Variants in NFKB1 observed in about 807,000 individuals in gnomAD.
NFKB1 encodes nuclear factor kappa B subunit 1, also known as nuclear factor NF-kappa-B p105 subunit.
A neutral mutation model predicts 105.1 loss-of-function variants in NFKB1; 9 were observed. That is an observed-to-expected ratio of 0.09 (90% confidence interval 0.05 to 0.15). The LOEUF is 0.15. Ranked by LOEUF, NFKB1 falls within the 10% of genes least tolerant of loss-of-function variation. The pLI is 1.00. For missense variants in NFKB1, 830 were observed against 1,203.7 expected (o/e 0.69, Z 4.59); for synonymous variants, 440 against 442.2 (o/e 1.00, Z 0.06).
intron 1 of NFKB1, among the ~76,000 whole-genome samples, chr4:102,517,418 C>A (rs1740262642): frequency 6.6e-6 from 1 of 152,122 alleles, no homozygotes; most frequent in South Asian, 2.1e-4. Context: ...GACATTCTGA[C>A]AAACTTGAAA....
chr4:102,513,020 T>C (rs1578705072), intron 1 of NFKB1, among the ~76,000 whole-genome samples: 1 of 152,228 alleles, frequency 6.6e-6, no homozygotes, highest in East Asian at 1.9e-4. Flanking sequence ...TACTTCTTCC[T>C]CAGTCTGAAA....
intron 4 of NFKB1, 130 bp downstream of exon 4, chr4:102,534,015 T>C (rs1741471483): frequency 6.8e-6 from 5 of 739,898 alleles, no homozygotes; most frequent in Admixed American, 5.8e-5. Context: ...ACCTGACAAA[T>C]TATGTAACAG....
chr4:102,539,945 G>T (rs1410108765), intron 5 of NFKB1, among the ~76,000 whole-genome samples: 1 of 152,064 alleles, frequency 6.6e-6, no homozygotes, highest in Non-Finnish European at 1.5e-5. Context: ...GAGGCTCACT[G>T]GTCAATGGGT....
intron 23 of NFKB1, among the ~76,000 whole-genome samples, chr4:102,615,200 A>G (rs538934191): frequency 5.3e-5 from 8 of 152,338 alleles, no homozygotes; most frequent in Admixed American, 1.3e-4. Flanking sequence ...CTGATCCAGC[A>G]TACACTGTGT....
chr4:102,569,922 G>A (rs1318653935), intron 6 of NFKB1, among the ~76,000 whole-genome samples: 1 of 151,866 alleles, frequency 6.6e-6, no homozygotes. Context: ...TATATAATTA[G>A]CCTTTACTGC....
intron 1 of NFKB1, among the ~76,000 whole-genome samples, chr4:102,520,062 A>T (rs1240773021): frequency 6.6e-6 from 1 of 152,188 alleles, no homozygotes; most frequent in Non-Finnish European, 1.5e-5. Flanking sequence ...TAGGATGTGT[A>T]GCAGCATCTG....
intron 1 of NFKB1, among the ~76,000 whole-genome samples, chr4:102,510,710 T>A (rs961573666): frequency 1.3e-5 from 2 of 152,226 alleles, no homozygotes; most frequent in South Asian, 4.1e-4. Context: ...TCTCTCGCAT[T>A]CATATTTCTC....
chr4:102,536,882 A>G (rs952478535), intron 4 of NFKB1, among the ~76,000 whole-genome samples: 1 of 152,240 alleles, frequency 6.6e-6, no homozygotes, highest in Non-Finnish European at 1.5e-5. Context: ...CTATGTGGTT[A>G]TAAACTACTA....
chr4:102,595,754 G>T (rs1188832322), intron 13 of NFKB1, among the ~76,000 whole-genome samples: 1 of 152,182 alleles, frequency 6.6e-6, no homozygotes, highest in Admixed American at 6.5e-5. Context: ...CCACACTAAA[G>T]AATGTGAGTC....
At chr4:102,585,289 C>T (rs1341088428) in intron 11 of NFKB1, among the ~76,000 whole-genome samples, 1 of 152,046 alleles carries the variant, frequency 6.6e-6, no homozygotes, top group Non-Finnish European at 1.5e-5. Flanking sequence ...ATCCATGGTG[C>T]TTATTTTTAG....
rs2149098247 is a variant in NFKB1 at position 102,511,303 on chromosome 4, A to G, written c.-8+9515A>G. 1.3e-5 allele frequency among the ~76,000 whole-genome samples: 2 copies of G among 152,360 alleles called. 1 individual carries two copies. Among genetic ancestry groups the G allele is most frequent in the South Asian group, 4.1e-4 (2 of 4,830 alleles). ...CTTTCTATGTGCCAGACACAGTTCT[A>G]AGGACAAGGCACACAGTGCCAAACA... On this transcript the variant is annotated intron_variant, in intron 1 of 23. Coordinates refer to ENST00000226574, the MANE Select transcript of NFKB1 (RefSeq NM_003998.4).
intron 2 of NFKB1, among the ~76,000 whole-genome samples, chr4:102,529,479 C>T (rs1452452114): frequency 6.6e-6 from 1 of 152,134 alleles, no homozygotes; most frequent in African/African-American, 2.4e-5. Context: ...AGCTTCAAAT[C>T]ATTCATTCAA....
intron 1 of NFKB1, among the ~76,000 whole-genome samples, chr4:102,512,466 A>G (rs1739844892): frequency 6.6e-6 from 1 of 152,132 alleles, no homozygotes; most frequent in African/African-American, 2.4e-5. Flanking sequence ...CTCCCACCTC[A>G]GCCACCCAAG....
chr4:102,550,160 A>C (rs1460629204), intron 5 of NFKB1, among the ~76,000 whole-genome samples: 2 of 151,892 alleles, frequency 1.3e-5, no homozygotes, highest in Non-Finnish European at 2.9e-5. Context: ...GTCATTATTC[A>C]TTTTGATTCT....
In NFKB1 at chr4:102,566,975, C is replaced by G; in HGVS notation, c.259-12C>G. 3 of 1,613,326 alleles carry G rather than the reference C, an allele frequency of 1.9e-6. No individual in the cohort carries two copies. The highest frequency in any genetic ancestry group is 2.5e-6 in the Non-Finnish European group (3 of 1,179,398). On this transcript the variant is annotated splice_polypyrimidine_tract_variant and intron_variant, in intron 5 of 23. Transcript: ENST00000226574. ...CAGATATGCTAACTTTTGGAATGTG[C>G]TTCTTATATAGATCTGCAACTATGT...
chr4:102,517,484 C>A (rs185534178), intron 1 of NFKB1, among the ~76,000 whole-genome samples: 20 of 152,196 alleles, frequency 1.3e-4, no homozygotes, highest in African/African-American at 3.6e-4. Flanking sequence ...AACAAAAAAA[C>A]CAGTGTTTTC....
intron 5 of NFKB1, among the ~76,000 whole-genome samples, chr4:102,548,667 C>G (rs532144995): frequency 6.6e-6 from 1 of 152,248 alleles, no homozygotes; most frequent in East Asian, 1.9e-4. Context: ...GGGCCGTGCC[C>G]CCTTTGAAGG....
intron 11 of NFKB1, among the ~76,000 whole-genome samples, chr4:102,589,359 G>A (rs1311373760): frequency 1.3e-5 from 2 of 152,048 alleles, no homozygotes; most frequent in African/African-American, 2.4e-5. Flanking sequence ...AGAACCGATG[G>A]GGAAATTATA....
intron 21 of NFKB1, 122 bp from the exon 22 acceptor site, chr4:102,612,312 C>T (rs1728497730): frequency 9.1e-7 from 1 of 1,093,156 alleles, no homozygotes; most frequent in Non-Finnish European, 1.3e-6. Flanking sequence ...CTTTGACCTT[C>T]AAGTAGAGTA....
Sources: allele counts gnomAD v4.1 joint callset (sites outside exome capture counted in the v4.1 genomes callset), GRCh38; gene constraint gnomAD v4.1.1; transcripts MANE v1.5; gene names NCBI Gene and HGNC (gene_info 2026-07-23, HGNC 2026-07-21).